Variants in MAGI2 observed in about 807,000 individuals in gnomAD.
MAGI2 encodes membrane associated guanylate kinase, WW and PDZ domain containing 2, also known as membrane-associated guanylate kinase, WW and PDZ domain-containing protein 2.
A neutral mutation model predicts 133.3 loss-of-function variants in MAGI2; 35 were observed. The observed-to-expected ratio is 0.26, with a 90% CI of 0.20 to 0.35. The LOEUF (loss-of-function observed/expected upper bound fraction) is 0.35, where lower values mean the gene tolerates loss of function less well. Ranked by LOEUF, MAGI2 falls within the 10% of genes least tolerant of loss-of-function variation. MAGI2 has a pLI of 1.00. For synonymous variants in MAGI2, 729 were observed against 710.6 expected (o/e 1.03, Z -0.41); for missense variants, 1,636 against 1,863.4 (o/e 0.88, Z 2.25).
chr7:78,458,870 G>C (rs1204205786), intron 6 of MAGI2, among the ~76,000 whole-genome samples: 1 of 152,112 alleles, frequency 6.6e-6, no homozygotes, highest in African/African-American at 2.4e-5. Flanking sequence ...TCCTGACCTC[G>C]TGATCCGCCC....
intron 10 of MAGI2, among the ~76,000 whole-genome samples, chr7:78,229,934 A>T (rs1167245787): frequency 2.0e-5 from 3 of 152,224 alleles, no homozygotes; most frequent in Non-Finnish European, 4.4e-5. Flanking sequence ...GTAAACAGGG[A>T]TTAGTGACCC....
intron 2 of MAGI2, among the ~76,000 whole-genome samples, chr7:78,986,897 T>C (rs1468035880): frequency 6.6e-6 from 1 of 151,908 alleles, no homozygotes; most frequent in Non-Finnish European, 1.5e-5. Flanking sequence ...GCTTCCATGG[T>C]ACAAAGACAA....
intron 2 of MAGI2, among the ~76,000 whole-genome samples, chr7:78,990,425 A>T (rs1805646749): frequency 6.6e-6 from 1 of 152,056 alleles, no homozygotes; most frequent in Non-Finnish European, 1.5e-5. Context: ...ATTCCCTGAA[A>T]CGTAGAAATT....
At chr7:79,388,602 T>C (rs1451374047) in intron 1 of MAGI2, among the ~76,000 whole-genome samples, 1 of 151,648 alleles carries the variant, frequency 6.6e-6, no homozygotes, top group Non-Finnish European at 1.5e-5. Flanking sequence ...TTTTATTTTA[T>C]AATAAGAATA....
chr7:78,935,510 G>A (rs900987881), intron 2 of MAGI2, among the ~76,000 whole-genome samples: 1 of 152,048 alleles, frequency 6.6e-6, no homozygotes, highest in African/African-American at 2.4e-5. Flanking sequence ...CCACAGACTT[G>A]GGGAATTTAT....
chr7:78,023,078 T>C (rs1465907840), intron 21 of MAGI2, among the ~76,000 whole-genome samples: 1 of 152,160 alleles, frequency 6.6e-6, no homozygotes, highest in African/African-American at 2.4e-5. Flanking sequence ...ACGAAACATA[T>C]GGTGTCTGTC....
intron 2 of MAGI2, among the ~76,000 whole-genome samples, chr7:78,947,697 T>A (rs544738093): frequency 1.3e-5 from 2 of 152,228 alleles, no homozygotes; most frequent in African/African-American, 4.8e-5. Context: ...CTTTTGGAGA[T>A]GAAACACATA....
At chr7:78,957,124 C>T (rs1562715231) in intron 2 of MAGI2, among the ~76,000 whole-genome samples, 3 of 151,568 alleles carry the variant, frequency 2.0e-5, no homozygotes, top group African/African-American at 2.4e-5. Context: ...ATTAGTCGGG[C>T]GAGGTGGTGG....
At chr7:78,421,645 T>A (rs181145906) in intron 6 of MAGI2, among the ~76,000 whole-genome samples, 1 of 152,058 alleles carries the variant, frequency 6.6e-6, no homozygotes, top group Non-Finnish European at 1.5e-5. Context: ...AGACCCCATA[T>A]CTACCAAATA....
chr7:78,278,053 C>T (rs1000244572), intron 9 of MAGI2, among the ~76,000 whole-genome samples: 1 of 152,132 alleles, frequency 6.6e-6, no homozygotes, highest in African/African-American at 2.4e-5. Flanking sequence ...TTTTATCTGA[C>T]TCCAGAGGGG....
chr7:78,791,225 AAGAG>A (rs1266007827), intron 2 of MAGI2, among the ~76,000 whole-genome samples: 5 of 152,182 alleles, frequency 3.3e-5, no homozygotes, highest in African/African-American at 7.2e-5. Flanking sequence ...CAAAAAGAAA[AAGAG>A]AGAGAGAAAA....
intron 1 of MAGI2, among the ~76,000 whole-genome samples, chr7:79,068,920 G>T (rs1271917587): frequency 6.6e-6 from 1 of 151,742 alleles, no homozygotes; most frequent in Admixed American, 6.6e-5. Context: ...TCTTAATCCT[G>T]AGTTCTAATT....
chr7:78,979,871 T>A (rs567372567), intron 2 of MAGI2, among the ~76,000 whole-genome samples: 22 of 152,070 alleles, frequency 1.4e-4, no homozygotes, highest in African/African-American at 5.3e-4. Context: ...ATCTTTGCAA[T>A]CTTTCTGTAA....
At chr7:78,248,426 A>AAT (rs1281534153) in intron 10 of MAGI2, among the ~76,000 whole-genome samples, 1 of 152,178 alleles carries the variant, frequency 6.6e-6, no homozygotes, top group Non-Finnish European at 1.5e-5. Flanking sequence ...TCTATCAATA[A>AAT]ATACTTTGAA....
At chr7:78,353,996 G>A (rs971117741) in intron 7 of MAGI2, among the ~76,000 whole-genome samples, 2 of 152,114 alleles carry the variant, frequency 1.3e-5, no homozygotes, top group African/African-American at 4.8e-5. Flanking sequence ...CCTTATTCCT[G>A]AACTTGGGAG....
chr7:78,178,313 G>A (rs1411311464), intron 13 of MAGI2, among the ~76,000 whole-genome samples: 1 of 152,134 alleles, frequency 6.6e-6, no homozygotes, highest in Non-Finnish European at 1.5e-5. Context: ...GTGACTAGCC[G>A]AGGGCACTAC....
At chr7:79,192,233 T>C (rs1398200814) in intron 1 of MAGI2, among the ~76,000 whole-genome samples, 1 of 151,932 alleles carries the variant, frequency 6.6e-6, no homozygotes, top group African/African-American at 2.4e-5. Flanking sequence ...TTTTTATCTA[T>C]TGTCAGTATC....
chr7:79,239,609 C>T (rs1315277738), intron 1 of MAGI2, among the ~76,000 whole-genome samples: 1 of 152,194 alleles, frequency 6.6e-6, no homozygotes, highest in African/African-American at 2.4e-5. Context: ...ATTCCACCCC[C>T]TGACATCTAG....
intron 21 of MAGI2, among the ~76,000 whole-genome samples, chr7:78,044,964 A>G (rs1464214075): frequency 2.0e-5 from 3 of 152,128 alleles, no homozygotes; most frequent in Non-Finnish European, 4.4e-5. Context: ...GTCAAGAGAT[A>G]GAGACCATCC....
Sources: allele counts gnomAD v4.1 joint callset (sites outside exome capture counted in the v4.1 genomes callset), GRCh38; gene constraint gnomAD v4.1.1; transcripts MANE v1.5; gene names NCBI Gene and HGNC (gene_info 2026-07-23, HGNC 2026-07-21).